FER1L6: variants seen among roughly 807,000 people sequenced by gnomAD.
FER1L6 encodes fer-1 like family member 6.
In FER1L6, 177 loss-of-function variants were observed where a neutral mutation model predicts 219.2. That is an observed-to-expected ratio of 0.81 (90% CI 0.71 to 0.91). The LOEUF is 0.91. FER1L6 is among the 40% of genes least tolerant of loss of function. The pLI, the probability that FER1L6 is intolerant of heterozygous loss-of-function variation, is 0.00. For synonymous variants in FER1L6, 768 were observed against 824.3 expected (o/e 0.93, Z 1.17); for missense variants, 2,153 against 2,259.9 (o/e 0.95, Z 0.96).
chr8:123,870,834 C>T (rs1028170779), intron 1 of FER1L6, among the ~76,000 whole-genome samples: 3 of 151,944 alleles, frequency 2.0e-5, no homozygotes, highest in African/African-American at 7.3e-5. Flanking sequence ...TGAAGGATCC[C>T]AAGATGGGAC....
chr8:123,943,485 G>C (rs1814346718), intron 1 of FER1L6, among the ~76,000 whole-genome samples: 5 of 152,142 alleles, frequency 3.3e-5, no homozygotes. Context: ...GAGCTGCCAG[G>C]TGCACACACA....
Position 123,852,155 on chromosome 8 carries a change from T to C in FER1L6, c.-38T>C, listed in dbSNP as rs1165170178. On this transcript the variant is annotated 5_prime_UTR_variant, in exon 1 of 41. Coordinates refer to ENST00000522917, the MANE Select transcript of FER1L6 (RefSeq NM_001039112.2). This position sits in a 1 kb window ranked among gnomAD's most constrained non-coding sequence, Gnocchi z 4.9. ...GTCCCTTGATCAGAGCAATGCTGTGTGGACCATCGTGAAGGTGGACAAGGC... is the reference window on the plus strand; with the variant it reads ...GTCCCTTGATCAGAGCAATGCTGTGCGGACCATCGTGAAGGTGGACAAGGC... 1 of 152,266 alleles carries C rather than the reference T, an allele frequency of 6.6e-6. No homozygotes were observed. Among genetic ancestry groups the C allele is most frequent in the East Asian group, 1.9e-4 (1 of 5,194 alleles). 9.4% of individuals were successfully genotyped at this position (152,266 alleles called of 1,614,324 possible).
At chr8:124,075,419 G>GA in intron 31 of FER1L6, among the ~76,000 whole-genome samples, 1 of 152,114 alleles carries the variant, frequency 6.6e-6, no homozygotes, top group Non-Finnish European at 1.5e-5. Flanking sequence ...TGTCCCACTG[G>GA]AAGGTCTTCA....
chr8:123,965,553 C>T (rs74794169), intron 3 of FER1L6, among the ~76,000 whole-genome samples: 1 of 152,150 alleles, frequency 6.6e-6, no homozygotes, highest in East Asian at 1.9e-4. Context: ...CCAATTATTT[C>T]AAAGCAATTA....
intron 1 of FER1L6, among the ~76,000 whole-genome samples, chr8:123,869,416 T>C (rs556587788): frequency 6.6e-6 from 1 of 152,186 alleles, no homozygotes; most frequent in African/African-American, 2.4e-5. Context: ...GTCTCATACA[T>C]AGGAAATACG....
intron 1 of FER1L6, among the ~76,000 whole-genome samples, chr8:123,947,670 G>A (rs371752777): frequency 1.2e-3 from 179 of 152,316 alleles, no homozygotes; most frequent in African/African-American, 4.3e-3. Context: ...AACTAGGCAT[G>A]ATTGTTGCCT....
intron 1 of FER1L6, among the ~76,000 whole-genome samples, chr8:123,879,361 CTGT>C (rs1361093378): frequency 6.6e-6 from 1 of 152,100 alleles, no homozygotes; most frequent in Non-Finnish European, 1.5e-5. Flanking sequence ...GAATCTCACT[CTGT>C]TGACCAGGCT....
chr8:123,973,865 C>T (rs1254543909), intron 7 of FER1L6, among the ~76,000 whole-genome samples: 1 of 152,166 alleles, frequency 6.6e-6, no homozygotes, highest in Non-Finnish European at 1.5e-5. Flanking sequence ...GGGCAAATGA[C>T]TTAACTTCTC....
intron 11 of FER1L6, chr8:123,984,682 T>C (rs1816485347): frequency 6.6e-6 from 1 of 152,136 alleles, no homozygotes; most frequent in Non-Finnish European, 1.5e-5. Flanking sequence ...CTCACCCTGT[T>C]CGACATTTTC....
chr8:123,972,792 T>C lies in FER1L6; in HGVS notation c.448-642T>C, dbSNP rs141137476. ...CTCTTTTATGGGTGACAGATTGAAC[T>C]TTTCTCCTGGTTCTTCAGCAGTTTC... is the stretch of plus-strand genomic sequence containing the variant. On this transcript the variant is annotated intron_variant, in intron 6 of 40. Transcript: ENST00000522917. Among the ~76,000 whole-genome samples the C allele has an allele frequency of 5.8e-4, 88 of 152,316 alleles. No homozygotes were observed. The East Asian group carries it at 0.016, about 27-fold the overall frequency.
At chr8:124,104,198 G>A (rs1822664708) in intron 39 of FER1L6, among the ~76,000 whole-genome samples, 1 of 152,204 alleles carries the variant, frequency 6.6e-6, no homozygotes, top group Admixed American at 6.5e-5. Context: ...TGAGGTTGCT[G>A]GAGAGGCTCC....
intron 39 of FER1L6, among the ~76,000 whole-genome samples, chr8:124,103,956 C>T (rs1172594242): frequency 6.6e-6 from 1 of 152,212 alleles, no homozygotes; most frequent in Non-Finnish European, 1.5e-5. Flanking sequence ...GCTTCTAGTG[C>T]CTTGTGGCAA....
At chr8:124,092,852 C>CTT (rs56104148) in intron 34 of FER1L6, among the ~76,000 whole-genome samples, 23 of 140,150 alleles carry the variant, frequency 1.6e-4, no homozygotes, top group African/African-American at 4.8e-4. Flanking sequence ...AAGTGCTACC[C>CTT]TTTTTTTTTT....
At chr8:124,057,266 T>C (rs1820341136) in intron 22 of FER1L6, among the ~76,000 whole-genome samples, 1 of 152,228 alleles carries the variant, frequency 6.6e-6, no homozygotes, top group Non-Finnish European at 1.5e-5. Flanking sequence ...ACAATTTTCT[T>C]TCAGCTGAAG....
chr8:123,940,761 C>T (rs1814208255), intron 1 of FER1L6, among the ~76,000 whole-genome samples: 1 of 152,100 alleles, frequency 6.6e-6, no homozygotes, highest in Non-Finnish European at 1.5e-5. Context: ...AGGGCATCAC[C>T]CCCTACTCCT....
At chr8:124,081,898 A>ATGGC (rs1821569944) in intron 32 of FER1L6, among the ~76,000 whole-genome samples, 1 of 152,232 alleles carries the variant, frequency 6.6e-6, no homozygotes, top group Non-Finnish European at 1.5e-5. Context: ...ATACTCATTT[A>ATGGC]TAATATGGAG....
intron 1 of FER1L6, among the ~76,000 whole-genome samples, chr8:123,914,593 C>T (rs1044005737): frequency 6.6e-6 from 1 of 152,154 alleles, no homozygotes; most frequent in Non-Finnish European, 1.5e-5. Context: ...AAGCCTGTGA[C>T]CAGGATCTGG....
At chr8:123,889,545 G>T (rs971161924) in intron 1 of FER1L6, among the ~76,000 whole-genome samples, 2 of 151,876 alleles carry the variant, frequency 1.3e-5, no homozygotes, top group African/African-American at 2.4e-5. Flanking sequence ...TAAGGTTACT[G>T]GGAATAAGAA....
intron 1 of FER1L6, among the ~76,000 whole-genome samples, chr8:123,898,522 A>G (rs1395288167): frequency 6.6e-6 from 1 of 151,556 alleles, no homozygotes; most frequent in East Asian, 1.9e-4. Context: ...GTCAGTGAGA[A>G]CATACAATGC....
Sources: allele counts gnomAD v4.1 joint callset (sites outside exome capture counted in the v4.1 genomes callset), GRCh38; gene constraint gnomAD v4.1.1; non-coding constraint Gnocchi (gnomAD v3.1); transcripts MANE v1.5; gene names NCBI Gene and HGNC (gene_info 2026-07-23, HGNC 2026-07-21).